SLC30A8: variants seen among roughly 807,000 people sequenced by gnomAD.
SLC30A8 encodes solute carrier family 30 member 8.
SLC30A8 carries 27 observed loss-of-function variants against 36.9 expected under a neutral mutation model. The observed-to-expected ratio is 0.73, with a 90% CI of 0.54 to 1.01. The LOEUF is 1.01. SLC30A8 is among the 50% of genes least tolerant of loss of function. The pLI, the probability that SLC30A8 is intolerant of heterozygous loss-of-function variation, is 0.00. For synonymous variants in SLC30A8, 164 were observed against 172.4 expected (o/e 0.95, Z 0.38); for missense variants, 439 against 452.0 (o/e 0.97, Z 0.26).
chr8:117,045,489 G>A (rs1817522456), intron 2 of SLC30A8, among the ~76,000 whole-genome samples: 1 of 152,162 alleles, frequency 6.6e-6, no homozygotes, highest in Non-Finnish European at 1.5e-5. Flanking sequence ...GCTAGCCTGG[G>A]TTAATATCAT....
At chr8:117,151,754 A>T (rs1009777345) in intron 2 of SLC30A8, among the ~76,000 whole-genome samples, 4 of 152,240 alleles carry the variant, frequency 2.6e-5, no homozygotes, top group Non-Finnish European at 5.9e-5. Flanking sequence ...TGGGCAAGAA[A>T]TAATGCCTTA....
chr8:117,163,477 T>A lies in SLC30A8; in HGVS notation c.776T>A (p.Val259Asp). ...TGCACATTCATCTTTTCCATCCTGGTCTTGGCCAGCACCATCACTATCTTA... is the reference window on the plus strand; with the variant it reads ...TGCACATTCATCTTTTCCATCCTGGACTTGGCCAGCACCATCACTATCTTA... ...PICTFIFSIL[V>D]LASTITILKD... The change falls in exon 6 of 8, where the codon GTC (valine) becomes GAC (aspartate). Residue 259 changes from valine to aspartate, a missense_variant. Val to Asp is a radical substitution (Grantham distance 152). Coordinates refer to ENST00000456015, the MANE Select transcript of SLC30A8 (RefSeq NM_173851.3). 1.9e-6 allele frequency: 3 copies of A among 1,613,726 alleles called. No homozygotes were observed. The highest frequency in any genetic ancestry group is 2.5e-6 in the Non-Finnish European group (3 of 1,179,772).
intron 1 of SLC30A8, 133 bp from the exon 2 acceptor site, chr8:117,146,821 G>A (rs1393259623): frequency 7.6e-6 from 11 of 1,447,274 alleles, no homozygotes; most frequent in Non-Finnish European, 1.0e-5. Context: ...TCTTGTAGAA[G>A]GAGCTGCAAA....
At chr8:117,123,108 T>C (rs1820751845) in intron 2 of SLC30A8, among the ~76,000 whole-genome samples, 1 of 151,966 alleles carries the variant, frequency 6.6e-6, no homozygotes, top group Non-Finnish European at 1.5e-5. Context: ...TGTCTCACCT[T>C]AGAGGGCAGA....
intron 2 of SLC30A8, among the ~76,000 whole-genome samples, chr8:117,151,336 T>C (rs2130980579): frequency 6.6e-6 from 1 of 152,308 alleles, no homozygotes; most frequent in Middle Eastern, 3.4e-3. Flanking sequence ...CAATCCCTGG[T>C]ACCATGCACA....
rs535225098 is a variant in SLC30A8, at chr8:117,047,723, A to G, written c.-226+8465A>G. On this transcript the variant is annotated intron_variant, in intron 2 of 10. Coordinates refer to the SLC30A8 transcript ENST00000427715. Reference sequence around the variant, plus strand: ...TCTTAAGTAGAAGCTCGTTAAAATGAGGCTGAAACCTACTGGGCTGCATTC... The same window carrying G: ...TCTTAAGTAGAAGCTCGTTAAAATGGGGCTGAAACCTACTGGGCTGCATTC... Among the ~76,000 whole-genome samples the G allele has an allele frequency of 2.0e-5, 3 of 152,306 alleles. No homozygotes were observed. In the East Asian group the frequency reaches 5.8e-4, roughly 29 times the overall value.
At chr8:117,131,753 TCA>T (rs1283653030), upstream of SLC30A8, among the ~76,000 whole-genome samples, 1 of 152,020 alleles carries the variant, frequency 6.6e-6, no homozygotes. Flanking sequence ...GTATAGAAAC[TCA>T]CAGTTACATA....
At chr8:116,987,378 A>G (rs567021909) in intron 1 of SLC30A8, among the ~76,000 whole-genome samples, 13 of 152,228 alleles carry the variant, frequency 8.5e-5, no homozygotes, top group Middle Eastern at 3.4e-3. Flanking sequence ...CCAACATGGC[A>G]CATGTATACA....
chr8:117,104,892 C>T (rs1333812425), intron 2 of SLC30A8, among the ~76,000 whole-genome samples: 3 of 152,094 alleles, frequency 2.0e-5, no homozygotes, highest in African/African-American at 7.2e-5. Context: ...TTCCCCTTTT[C>T]GGCCATATAG....
intron 1 of SLC30A8, among the ~76,000 whole-genome samples, chr8:117,024,405 C>T (rs1187404685): frequency 6.6e-6 from 1 of 152,204 alleles, no homozygotes; most frequent in Non-Finnish European, 1.5e-5. Context: ...AATTCTATTT[C>T]TTCCACAAAG....
At chr8:117,001,823 C>G (rs1456319528) in intron 1 of SLC30A8, among the ~76,000 whole-genome samples, 2 of 152,126 alleles carry the variant, frequency 1.3e-5, no homozygotes, top group Non-Finnish European at 2.9e-5. Flanking sequence ...TCAGCAGTCA[C>G]CTATTGTATT....
intron 7 of SLC30A8, among the ~76,000 whole-genome samples, chr8:117,171,875 GA>G (rs1274734964): frequency 3.9e-5 from 6 of 152,212 alleles, no homozygotes; most frequent in African/African-American, 1.4e-4. Flanking sequence ...CAGGGGACAG[GA>G]ACACTAGTGA....
chr8:116,976,458 C>G (rs2130629557), intron 1 of SLC30A8, among the ~76,000 whole-genome samples: 1 of 152,212 alleles, frequency 6.6e-6, no homozygotes, highest in Non-Finnish European at 1.5e-5. Flanking sequence ...TTGTATTCCC[C>G]AAGAAACTAA....
At chr8:116,992,579 A>C (rs1815680437) in intron 1 of SLC30A8, among the ~76,000 whole-genome samples, 1 of 152,160 alleles carries the variant, frequency 6.6e-6, no homozygotes, top group South Asian at 2.1e-4. Context: ...ATTAGAGAGC[A>C]GGACTAGCAA....
At chr8:117,154,798 A>T (rs938310618) in intron 3 of SLC30A8, among the ~76,000 whole-genome samples, 7 of 152,286 alleles carry the variant, frequency 4.6e-5, no homozygotes, top group African/African-American at 1.7e-4. Flanking sequence ...GATGATTTGA[A>T]AATGTAGGGT....
At chr8:117,016,380 T>C (rs1393920243) in intron 1 of SLC30A8, among the ~76,000 whole-genome samples, 2 of 152,172 alleles carry the variant, frequency 1.3e-5, no homozygotes, top group East Asian at 1.9e-4. Context: ...TGTCAGACTA[T>C]AGTTGGGCTG....
chr8:117,161,957 C>T (rs1046289954), intron 5 of SLC30A8, 69 bp downstream of exon 5: 2 of 1,401,340 alleles, frequency 1.4e-6, no homozygotes, highest in African/African-American at 2.9e-5. Context: ...GACCCTCCAA[C>T]ATTAACTTAA....
At chr8:117,161,995 T>C (rs933291355) in intron 5 of SLC30A8, 107 bp downstream of exon 5, 49 of 968,934 alleles carry the variant, frequency 5.1e-5, no homozygotes, top group Non-Finnish European at 5.8e-5. Context: ...TGTTTACCTA[T>C]ACAAACTACT....
intron 1 of SLC30A8, among the ~76,000 whole-genome samples, chr8:116,994,856 GTA>G (rs1161891987): frequency 6.6e-6 from 1 of 152,068 alleles, no homozygotes; most frequent in Non-Finnish European, 1.5e-5. Context: ...TGACTTGTGT[GTA>G]TGTTTTAGCT....
Sources: allele counts gnomAD v4.1 joint callset (sites outside exome capture counted in the v4.1 genomes callset), GRCh38; gene constraint gnomAD v4.1.1; transcripts MANE v1.5; gene names NCBI Gene and HGNC (gene_info 2026-07-23, HGNC 2026-07-21).